Variants in GPCPD1 observed in about 807,000 individuals in gnomAD.
GPCPD1 encodes glycerophosphocholine phosphodiesterase GPCPD1.
Under a neutral mutation model 89.2 loss-of-function variants are expected in GPCPD1, and 29 were observed. That is an observed-to-expected ratio of 0.33 (90% CI 0.24 to 0.44). The LOEUF is 0.44. Among genes scored for constraint, GPCPD1 ranks in the 20% least tolerant of loss-of-function variants. GPCPD1 has a pLI of 1.00. For missense variants in GPCPD1, 594 were observed against 808.9 expected (o/e 0.73, Z 3.22); for synonymous variants, 258 against 266.3 (o/e 0.97, Z 0.30).
chr20:5,598,923 T>C (rs1176321287), intron 2 of GPCPD1, 102 bp from the exon 3 acceptor site: 2 of 747,354 alleles, frequency 2.7e-6, no homozygotes, highest in African/African-American at 3.5e-5. Context: ...CTGCCCCCTT[T>C]AGCAGAGATG....
intron 6 of GPCPD1, among the ~76,000 whole-genome samples, chr20:5,583,108 A>C (rs1978665000): frequency 6.6e-6 from 1 of 151,024 alleles, no homozygotes; most frequent in Non-Finnish European, 1.5e-5. Context: ...CCTGTAATCC[A>C]AGCTACTCAG....
chr20:5,605,164 C>T (rs1462392294), intron 1 of GPCPD1, among the ~76,000 whole-genome samples: 2 of 152,086 alleles, frequency 1.3e-5, no homozygotes, highest in African/African-American at 4.8e-5. Context: ...CAAAACAAGA[C>T]AGAATACATG....
Position 5,578,432 on chromosome 20 carries a change from C to T in GPCPD1, c.653G>A (p.Ser218Asn). 6.2e-7 allele frequency: 1 copy of T among 1,613,994 alleles called. No individual in the cohort carries two copies. Among genetic ancestry groups the T allele is most frequent in the Non-Finnish European group, 8.5e-7 (1 of 1,179,818 alleles). The change falls in exon 8 of 20, where the codon AGC becomes AAC. Residue 218 changes from serine to asparagine, a missense_variant. By Grantham distance (46) the Ser-to-Asn change is conservative. Transcript: ENST00000379019. ...GLQPDRWTEY[S>N]IQTMEPDNLE... ...GTTATCTGGTTCCATCGTCTGTATG[C>T]TGTACTCTGTCCAACGATCAGGCTG...
At chr20:5,574,037 A>G (rs1409088865) in intron 10 of GPCPD1, 68 bp from the exon 11 acceptor site, 4 of 889,050 alleles carry the variant, frequency 4.5e-6, no homozygotes, top group Non-Finnish European at 7.5e-6. Context: ...ATAAAGAAGC[A>G]AAGTGTACTT....
chr20:5,566,116 CTG>C (rs1211032360), intron 14 of GPCPD1, among the ~76,000 whole-genome samples: 1 of 152,166 alleles, frequency 6.6e-6, no homozygotes, highest in Non-Finnish European at 1.5e-5. Flanking sequence ...GATATTAAAA[CTG>C]TATGGTTATC....
intron 1 of GPCPD1, among the ~76,000 whole-genome samples, chr20:5,605,758 A>G (rs1006154291): frequency 1.3e-5 from 2 of 152,044 alleles, no homozygotes; most frequent in Non-Finnish European, 2.9e-5. Context: ...AAAAAAAAAG[A>G]AAAAACTTTC....
intron 19 of GPCPD1, among the ~76,000 whole-genome samples, chr20:5,552,875 G>C (rs1399305688): frequency 6.6e-6 from 1 of 152,176 alleles, no homozygotes. Flanking sequence ...CAAATCCAAG[G>C]AATGTATTGT....
chr20:5,545,614 G>T lies in GPCPD1; in HGVS notation c.*2047C>A, dbSNP rs540476862. 1.3e-5 allele frequency: 2 copies of T among 152,360 alleles called. No individual in the cohort carries two copies. The highest frequency in any genetic ancestry group is 4.1e-4 in the South Asian group (2 of 4,826). The allele number at this position is 152,360 out of a possible 1,614,324, so 9.4% of individuals were successfully genotyped here. A position where few individuals can be genotyped will look rare whatever the true frequency, so the allele number is the denominator to read the frequency against. ...TGACAGGGACAGGGTGGCTGAAGCA[G>T]GGTGTAAAAGGCAACAGCTAGTGAT... On this transcript the variant is annotated 3_prime_UTR_variant, in exon 20 of 20. Coordinates refer to ENST00000379019, the MANE Select transcript of GPCPD1 (RefSeq NM_019593.5).
At chr20:5,603,879 TG>T (rs1980361796) in intron 2 of GPCPD1, among the ~76,000 whole-genome samples, 1 of 151,982 alleles carries the variant, frequency 6.6e-6, no homozygotes, top group Non-Finnish European at 1.5e-5. Context: ...CCCAAGTAGC[TG>T]GGATTACAGG....
intron 19 of GPCPD1, among the ~76,000 whole-genome samples, chr20:5,556,496 G>A (rs1379107214): frequency 9.9e-5 from 15 of 152,150 alleles, no homozygotes; most frequent in African/African-American, 2.9e-4. Flanking sequence ...GAGCCACTGC[G>A]CCCGGCCTAA....
At chr20:5,600,330 G>T (rs1157687868) in intron 2 of GPCPD1, among the ~76,000 whole-genome samples, 1 of 150,048 alleles carries the variant, frequency 6.7e-6, no homozygotes. Context: ...CCAAGGCAGG[G>T]AGATCACTTG....
chr20:5,556,492 C>T (rs1439578417), intron 19 of GPCPD1, among the ~76,000 whole-genome samples: 1 of 152,238 alleles, frequency 6.6e-6, no homozygotes, highest in East Asian at 1.9e-4. Flanking sequence ...GCGTGAGCCA[C>T]TGCGCCCGGC....
At chr20:5,604,765 C>T (rs886366166) in intron 1 of GPCPD1, among the ~76,000 whole-genome samples, 1 of 106,402 alleles carries the variant, frequency 9.4e-6, no homozygotes. Flanking sequence ...TATAGTGAGG[C>T]CTCATGTCTA....
At position 5,558,007 on chromosome 20, in the gene GPCPD1, G is replaced by T; in HGVS notation, c.1767C>A (p.Thr589=). 1.2e-6 allele frequency: 2 copies of T among 1,600,272 alleles called. No homozygotes were observed. Residue 589 remains threonine, a synonymous_variant, in exon 19 of 20, where the codon ACC becomes ACA. Coordinates refer to ENST00000379019, the MANE Select transcript of GPCPD1 (RefSeq NM_019593.5). The stretch of plus-strand genomic sequence containing the variant: ...ATTTCCTTCTGTTTTCAGGATCATT[G>T]GTATCATCACCCCAGCAGAATATGA... The part of the protein sequence containing the change: ...GLVIFCWGDD[T]NDPENRRKLK...
chr20:5,566,680 T>G, intron 14 of GPCPD1, 53 bp downstream of exon 14: 1 of 1,058,916 alleles, frequency 9.4e-7, no homozygotes, highest in Non-Finnish European at 1.5e-6. Flanking sequence ...ATTTTAAAAA[T>G]CCTATTAATG....
In GPCPD1 at chr20:5,546,636, C is replaced by T. The variant is rs942765056; in HGVS notation, c.*1025G>A. ...CATGCATGATATACAATAAAGAATA[C>T]TAATATGAAAATTCAGGACATTTAT... On this transcript the variant is annotated 3_prime_UTR_variant, in exon 20 of 20. Coordinates refer to ENST00000379019, the MANE Select transcript of GPCPD1 (RefSeq NM_019593.5). 1 of 152,300 alleles carries T rather than the reference C, an allele frequency of 6.6e-6. No individual in the cohort carries two copies. Among genetic ancestry groups the T allele is most frequent in the Admixed American group, 6.6e-5 (1 of 15,266 alleles). 9.4% of individuals were successfully genotyped at this position (152,300 alleles called of 1,614,324 possible). A position where few individuals can be genotyped will look rare whatever the true frequency, so the allele number is the denominator to read the frequency against.
At chr20:5,559,725 G>A (rs769751425) in intron 17 of GPCPD1, among the ~76,000 whole-genome samples, 49 of 152,142 alleles carry the variant, frequency 3.2e-4, no homozygotes, top group Non-Finnish European at 6.2e-4. Flanking sequence ...AAAATAAAGG[G>A]TGTAAGGCTC....
intron 16 of GPCPD1, 102 bp from the exon 17 acceptor site, chr20:5,560,178 A>T (rs779902083): frequency 1.5e-6 from 1 of 684,356 alleles, no homozygotes; most frequent in Non-Finnish European, 2.4e-6. Context: ...AACCCCTGAC[A>T]GTATCTAGTC....
intron 11 of GPCPD1, among the ~76,000 whole-genome samples, chr20:5,572,360 T>A (rs1986773665): frequency 6.6e-6 from 1 of 152,202 alleles, no homozygotes; most frequent in African/African-American, 2.4e-5. Context: ...ACATTAAAAT[T>A]ATGATCAATT....
Sources: allele counts gnomAD v4.1 joint callset (sites outside exome capture counted in the v4.1 genomes callset), GRCh38; gene constraint gnomAD v4.1.1; transcripts MANE v1.5; gene names NCBI Gene and HGNC (gene_info 2026-07-23, HGNC 2026-07-21).